The following ACLY variants were observed in gnomAD, a reference collection of about 807,000 sequenced individuals.
ACLY encodes ATP-citrate synthase.
In ACLY, 41 loss-of-function variants were observed where a neutral mutation model predicts 133.0. The observed-to-expected ratio is 0.31, with a 90% CI of 0.24 to 0.40. ACLY has a LOEUF of 0.40. ACLY is among the 10% of genes least tolerant of loss of function. ACLY has a pLI of 1.00. For synonymous variants in ACLY, 495 were observed against 549.3 expected (o/e 0.90, Z 1.38); for missense variants, 1,046 against 1,453.8 (o/e 0.72, Z 4.56).
chr17:41,919,425 G>A (rs1435036735), upstream of ACLY, among the ~76,000 whole-genome samples: 1 of 152,238 alleles, frequency 6.6e-6, no homozygotes, highest in Non-Finnish European at 1.5e-5. Flanking sequence ...GAATCCGATT[G>A]CTTAGACAGT....
chr17:41,892,353 C>T lies in ACLY; in HGVS notation c.1696G>A (p.Val566Ile), dbSNP rs1360873959. 2.5e-6 allele frequency: 4 copies of T among 1,611,812 alleles called. No homozygotes were observed. Among genetic ancestry groups the T allele is most frequent in the Non-Finnish European group, 3.4e-6 (4 of 1,179,632 alleles). ...GAGGCAAAGTTGATGAGCACATCTACCTCCGGATGCTTCCTCATGGCATCA... is the reference window on the plus strand; with the variant it reads ...GAGGCAAAGTTGATGAGCACATCTATCTCCGGATGCTTCCTCATGGCATCA... ...MADAMRKHPE[V>I]DVLINFASLR... is the part of the protein sequence containing the mutation. Residue 566 changes from valine to isoleucine, a missense_variant, in exon 16 of 29, where the codon GTA becomes ATA. By Grantham distance (29) the Val-to-Ile change is conservative. This residue lies in a region of ACLY where 575 missense variants were observed against 804.2 expected (regional missense o/e 0.71). Transcript: ENST00000352035.
At chr17:41,917,533 C>T (rs1182837495) in intron 1 of ACLY, among the ~76,000 whole-genome samples, 1 of 152,110 alleles carries the variant, frequency 6.6e-6, no homozygotes, top group Non-Finnish European at 1.5e-5. Context: ...CCAGAACACG[C>T]CCCTGGGACA....
rs782510513 is a variant in ACLY, at chr17:41,908,994, G to C, written c.611C>G (p.Pro204Arg). Residue 204 changes from proline to arginine, a missense_variant, in exon 6 of 29, where the codon CCC (proline) becomes CGC (arginine). This residue lies in a region of ACLY where 575 missense variants were observed against 804.2 expected (regional missense o/e 0.71). Coordinates refer to ENST00000352035, the MANE Select transcript of ACLY (RefSeq NM_001096.3). The part of the protein sequence containing the change: ...DLYFTYLEIN[P>R]LVVTKDGVYV... ...AGCCAAGCACACCCAGTTACCAAGG[G>C]GATTGATCTCGAGGTAGGTGAAGTA... 6.2e-7 allele frequency: 1 copy of C among 1,612,848 alleles called. No individual in the cohort carries two copies. Among genetic ancestry groups the C allele is most frequent in the South Asian group, 1.1e-5 (1 of 90,874 alleles).
At chr17:41,918,577 A>G (rs903587671) in intron 1 of ACLY, among the ~76,000 whole-genome samples, 26 of 152,262 alleles carry the variant, frequency 1.7e-4, no homozygotes, top group African/African-American at 6.3e-4. Context: ...GAGGCGCGCC[A>G]GGAGGGGGAC....
intron 18 of ACLY, 99 bp from the exon 19 acceptor site, chr17:41,884,373 T>C (rs1334744416): frequency 1.9e-5 from 15 of 796,786 alleles, no homozygotes; most frequent in African/African-American, 1.2e-4. Context: ...ACACTGGATT[T>C]TGGGGGGATG....
upstream of ACLY, chr17:41,918,984 C>T: frequency 7.8e-7 from 1 of 1,287,494 alleles, no homozygotes; most frequent in Non-Finnish European, 1.0e-6. Flanking sequence ...GGCTTTTGTC[C>T]CGGCCCAGCC....
At chr17:41,898,610 T>C in intron 12 of ACLY, 21 bp downstream of exon 12, 1 of 1,611,638 alleles carries the variant, frequency 6.2e-7, no homozygotes, top group Non-Finnish European at 8.5e-7. Flanking sequence ...TCCTGTAAGG[T>C]TTGGGGAGGC....
chr17:41,878,127 C>A lies in ACLY; in HGVS notation c.2463G>T (p.Val821=). 6.3e-7 allele frequency: 1 copy of A among 1,583,178 alleles called. No individual in the cohort carries two copies. The highest frequency in any genetic ancestry group is 8.6e-7 in the Non-Finnish European group (1 of 1,164,778). The change falls in exon 22 of 29, where the codon GTG becomes GTT. Residue 821 remains valine, a synonymous_variant. Coordinates refer to ENST00000352035, the MANE Select transcript of ACLY (RefSeq NM_001096.3). Reference sequence around the variant, plus strand: ...CCCTGGCCCAGGAGTAGTCCATGGGCACGGTTGGGGGCGGCACCTCCTGGG... The same window carrying A: ...CCCTGGCCCAGGAGTAGTCCATGGGAACGGTTGGGGGCGGCACCTCCTGGG... ...VPAQEVPPPT[V]PMDYSWAREL...
rs572702549 is a variant in ACLY, at chr17:41,876,940, A to G, written c.2487+1163T>C. 1.5e-3 allele frequency among the ~76,000 whole-genome samples: 234 copies of G among 152,252 alleles called. 1 individual carries two copies. Among genetic ancestry groups the G allele is most frequent in the Non-Finnish European group, 3.2e-3 (215 of 68,004 alleles). ...TAAAAAATAAAAAAGGAAAAAAAAA[A>G]AAGAAATGGGGGAGCCCTTCAATAT... is the stretch of plus-strand genomic sequence containing the variant. On this transcript the variant is annotated intron_variant, in intron 22 of 28. Coordinates refer to ENST00000352035, the MANE Select transcript of ACLY (RefSeq NM_001096.3).
At chr17:41,903,400 G>T (rs572547574) in intron 10 of ACLY, among the ~76,000 whole-genome samples, 1 of 152,128 alleles carries the variant, frequency 6.6e-6, no homozygotes, top group Non-Finnish European at 1.5e-5. Flanking sequence ...AGGAGCCCCG[G>T]ATCATCAAAG....
intron 12 of ACLY, 152 bp from the exon 13 acceptor site, chr17:41,897,991 AAG>A (rs2049421774): frequency 3.0e-6 from 2 of 672,884 alleles, no homozygotes; most frequent in Non-Finnish European, 4.9e-6. Flanking sequence ...ATAATCCTCT[AAG>A]ATACGAATTA....
intron 2 of ACLY, among the ~76,000 whole-genome samples, chr17:41,912,872 A>G (rs2049944925): frequency 6.6e-6 from 1 of 152,202 alleles, no homozygotes; most frequent in Non-Finnish European, 1.5e-5. Context: ...TAAGCCCCTC[A>G]GAATATGGAC....
At chr17:41,890,696 A>G (rs983530503) in intron 16 of ACLY, among the ~76,000 whole-genome samples, 3 of 151,338 alleles carry the variant, frequency 2.0e-5, no homozygotes, top group Non-Finnish European at 4.4e-5. Flanking sequence ...CTCAAAAAAA[A>G]AAAATTTTTT....
At chr17:41,873,725 G>C in intron 23 of ACLY, 86 bp downstream of exon 23, 1 of 1,431,336 alleles carries the variant, frequency 7.0e-7, no homozygotes, top group Non-Finnish European at 9.3e-7. Context: ...ACACTCCCCA[G>C]GCCTGTCCAC....
chr17:41,875,006 C>T (rs1346663085), intron 22 of ACLY, among the ~76,000 whole-genome samples: 1 of 150,864 alleles, frequency 6.6e-6, no homozygotes, highest in African/African-American at 2.4e-5. Flanking sequence ...AAAATGAATC[C>T]AAAGGGAAAA....
At chr17:41,892,979 C>T in intron 15 of ACLY, 54 bp downstream of exon 15, 2 of 1,585,084 alleles carry the variant, frequency 1.3e-6, no homozygotes, top group Non-Finnish European at 1.7e-6. Flanking sequence ...GTGCCCAGCC[C>T]CAAGCTTTGT....
chr17:41,904,865 G>T, intron 9 of ACLY, 75 bp from the exon 10 acceptor site: 2 of 1,432,714 alleles, frequency 1.4e-6, no homozygotes, highest in South Asian at 1.2e-5. Flanking sequence ...ATCCAACTGA[G>T]GAAGTTCTTG....
At chr17:41,919,134 G>A (rs1007309893), upstream of ACLY, 5 of 1,121,360 alleles carry the variant, frequency 4.5e-6, no homozygotes, top group Admixed American at 7.8e-5. Flanking sequence ...CCCGGGGCCT[G>A]CTGGGACTTG....
chr17:41,901,656 A>G (rs375985153), intron 11 of ACLY, 40 bp downstream of exon 11: 28 of 1,537,168 alleles, frequency 1.8e-5, no homozygotes, highest in Non-Finnish European at 2.3e-5. Flanking sequence ...AAGGCCACCC[A>G]CACTCAGGGT....
Sources: allele counts gnomAD v4.1 joint callset (sites outside exome capture counted in the v4.1 genomes callset), GRCh38; gene constraint gnomAD v4.1.1; regional missense constraint gnomAD v4.1.1; transcripts MANE v1.5; gene names NCBI Gene and HGNC (gene_info 2026-07-23, HGNC 2026-07-21).